Variants in MAN2C1 observed in about 807,000 individuals in gnomAD.
MAN2C1 encodes mannosidase alpha class 2C member 1, also known as alpha-mannosidase 2C1.
Under a neutral mutation model 126.9 loss-of-function variants are expected in MAN2C1, and 111 were observed. The ratio of observed to expected loss-of-function variants is 0.87; its 90% CI spans 0.75 to 1.02. MAN2C1 has a LOEUF of 1.02. Among genes scored for constraint, MAN2C1 ranks in the 50% least tolerant of loss-of-function variants. MAN2C1 has a pLI of 0.00. For missense variants in MAN2C1, 1,363 were observed against 1,364.4 expected (o/e 1.00, Z 0.02); for synonymous variants, 567 against 561.5 (o/e 1.01, Z -0.14).
chr15:75,356,871 T>C lies in MAN2C1; in HGVS notation c.2579A>G (p.Glu860Gly). Residue 860 changes from glutamate (E) to glycine (G), a missense_variant, in exon 22 of 26, where the codon GAA becomes GGA. Transcript: ENST00000267978. The surrounding 1 kb of genome is among the most constrained non-coding windows in gnomAD (Gnocchi z 5.8). ...GAGCAGGGCCAGCCCAAAGCCGTGTTCTGACAGATCCATCCAGCGATGGGC... is the reference window on the plus strand; with the variant it reads ...GAGCAGGGCCAGCCCAAAGCCGTGTCCTGACAGATCCATCCAGCGATGGGC... ...VWAHRWMDLSEHGFGLALLND... is the reference protein window; with the variant it reads ...VWAHRWMDLSGHGFGLALLND... 6.2e-7 allele frequency: 1 copy of C among 1,614,106 alleles called. No individual in the cohort carries two copies. The highest frequency in any genetic ancestry group is 8.5e-7 in the Non-Finnish European group (1 of 1,180,030).
intron 6 of MAN2C1, chr15:75,363,064 T>C (rs2072507233): frequency 2.4e-6 from 1 of 409,606 alleles, no homozygotes; most frequent in African/African-American, 2.1e-5. Context: ...GGGACTACCC[T>C]GCCCCTGCAC....
In MAN2C1 at chr15:75,361,469, C is replaced by T; in HGVS notation, c.1219-88G>A. On this transcript the variant is annotated intron_variant, in intron 10 of 25. Transcript: ENST00000267978. This position sits in a 1 kb window ranked among gnomAD's most constrained non-coding sequence, Gnocchi z 5.0. ...CCTTCCAGACTTGGTCCTGCCCCTGCCTGCTATGTGACCCTGGCAGAGGCA... is the reference window on the plus strand; with the variant it reads ...CCTTCCAGACTTGGTCCTGCCCCTGTCTGCTATGTGACCCTGGCAGAGGCA... 1 of 1,291,798 alleles carries T rather than the reference C, an allele frequency of 7.7e-7. No individual in the cohort carries two copies. Among genetic ancestry groups the T allele is most frequent in the Middle Eastern group, 2.0e-4 (1 of 5,018 alleles). 80.0% of individuals were successfully genotyped at this position (1,291,798 alleles called of 1,614,324 possible). A position where few individuals can be genotyped will look rare whatever the true frequency, so the allele number is the denominator to read the frequency against.
chr15:75,359,414 C>G lies in MAN2C1; in HGVS notation c.1960G>C (p.Val654Leu). ...ACAGGAGCATAGCCCATGCTGGGCA[C>G]TGTCACCAGGGCTGGGGGTGAGGCC... ...GGAHSLALVTVPSMGYAPVPP... is the reference protein window; with the variant it reads ...GGAHSLALVTLPSMGYAPVPP... The change falls in exon 17 of 26, where the codon GTG becomes CTG. Residue 654 changes from valine (V) to leucine (L), a missense_variant. Physicochemically the swap from Val to Leu is conservative, Grantham distance 32 (BLOSUM62 1). Coordinates refer to ENST00000267978, the MANE Select transcript of MAN2C1 (RefSeq NM_006715.4). 1 of 1,611,036 alleles carries G rather than the reference C, an allele frequency of 6.2e-7. No homozygotes were observed. The highest frequency in any genetic ancestry group is 2.1e-4 in the Middle Eastern group (1 of 4,688).
Position 75,360,182 on chromosome 15 carries a change from C to G in MAN2C1, c.1614G>C (p.Arg538=). 1 of 1,612,300 alleles carries G rather than the reference C, an allele frequency of 6.2e-7. No homozygotes were observed. The highest frequency in any genetic ancestry group is 8.5e-7 in the Non-Finnish European group (1 of 1,180,006). ...TGAGCAGCTCCACGTCGTGCAGGAT[C>G]CGCTCACATTCCCGGTTCCCCTTCT... ...QIKKGNRECE[R]ILHDVELLSS... The change falls in exon 14 of 26, where the codon CGG becomes CGC. Residue 538 remains arginine (R), a synonymous_variant. Transcript: ENST00000267978.
intron 6 of MAN2C1, chr15:75,363,384 C>A (rs746902148): frequency 2.2e-6 from 1 of 451,308 alleles, no homozygotes; most frequent in Non-Finnish European, 4.5e-6. Context: ...GGAGTAAGTA[C>A]CTCTCCTGTG....
At chr15:75,366,176 T>C (rs941409036) in intron 4 of MAN2C1, among the ~76,000 whole-genome samples, 1 of 152,258 alleles carries the variant, frequency 6.6e-6, no homozygotes, top group African/African-American at 2.4e-5. Context: ...TCTTTGTGCT[T>C]TCCTGTATTT....
chr15:75,362,287 C>T lies in MAN2C1; in HGVS notation c.1008+56G>A, dbSNP rs2072485906. The T allele has an allele frequency of 6.6e-7, 1 of 1,513,636 alleles. No individual in the cohort carries two copies. The highest frequency in any genetic ancestry group is 2.3e-5 in the East Asian group (1 of 43,816). The allele number at this position is 1,513,636 out of a possible 1,614,324, so 93.8% of individuals were successfully genotyped here. A position where few individuals can be genotyped will look rare whatever the true frequency, so the allele number is the denominator to read the frequency against. ...AGCAAAGCCGGGAGGGCGGGGCTAC[C>T]TGAGGGAAGGCTGTTGTCATACAGT... On this transcript the variant is annotated intron_variant, in intron 8 of 25. Coordinates refer to ENST00000267978, the MANE Select transcript of MAN2C1 (RefSeq NM_006715.4). This position sits in a 1 kb window ranked among gnomAD's most constrained non-coding sequence, Gnocchi z 4.5.
chr15:75,364,214 C>G (rs1210182339), intron 5 of MAN2C1, 26 bp from the exon 6 acceptor site: 4 of 1,586,222 alleles, frequency 2.5e-6, no homozygotes, highest in Non-Finnish European at 3.4e-6. Flanking sequence ...GCCCCTTAAT[C>G]CCTTTTTCAA....
chr15:75,365,916 C>G (rs2072565809), intron 4 of MAN2C1: 1 of 438,582 alleles, frequency 2.3e-6, no homozygotes, highest in Middle Eastern at 5.7e-4. Flanking sequence ...GAAACCCTTT[C>G]TCTACCAAAA....
Position 75,368,081 on chromosome 15 carries a change from G to C in MAN2C1, c.219C>G (p.Phe73Leu), listed in dbSNP as rs577643007. The change falls in exon 2 of 26, where the codon TTC becomes TTG. Residue 73 changes from phenylalanine to leucine, a missense_variant. Phe to Leu is a conservative substitution (Grantham distance 22). Around this residue, in one of 3 missense-constraint regions of MAN2C1, gnomAD observed 628 missense variants for 609.8 expected, o/e 1.03. Transcript: ENST00000267978. ...CGCTGGGCGTTACCTACGTGGGTCC[G>C]AAGCTGTCGCCGACCTGCGCGGGGC... is the stretch of plus-strand genomic sequence containing the variant. ...DFRPAQVGDS[F>L]GPTWWTCWFR... 3 of 1,606,920 alleles carry C rather than the reference G, an allele frequency of 1.9e-6. No homozygotes were observed. Among genetic ancestry groups the C allele is most frequent in the African/African-American group, 2.7e-5 (2 of 75,010 alleles).
Position 75,362,209 on chromosome 15 carries a change from T to C in MAN2C1, c.1008+134A>G, listed in dbSNP as rs2072483762. ...TCCCAGGCCTTGAGATCCCAGGGAC[T>C]AATGAGCCAGCCCTGCCACACAGCG... On this transcript the variant is annotated intron_variant, in intron 8 of 25. Transcript: ENST00000267978. This position sits in a 1 kb window ranked among gnomAD's most constrained non-coding sequence, Gnocchi z 4.5. 1 of 786,520 alleles carries C rather than the reference T, an allele frequency of 1.3e-6. No homozygotes were observed. The allele number at this position is 786,520 out of a possible 1,614,324, so 48.7% of individuals were successfully genotyped here. A position where few individuals can be genotyped will look rare whatever the true frequency, so the allele number is the denominator to read the frequency against.
At chr15:75,365,056 G>A (rs908867140) in intron 4 of MAN2C1, among the ~76,000 whole-genome samples, 1 of 152,128 alleles carries the variant, frequency 6.6e-6, no homozygotes. Context: ...CAACATGGGC[G>A]GGCCATTCAT....
In MAN2C1 at chr15:75,364,600, G is replaced by A; in HGVS notation, c.488C>T (p.Ala163Val). The A allele has an allele frequency of 3.7e-6, 6 of 1,613,570 alleles. No homozygotes were observed. Among genetic ancestry groups the A allele is most frequent in the Non-Finnish European group, 4.2e-6 (5 of 1,179,764 alleles). The change falls in exon 5 of 26, where the codon GCA (alanine) becomes GTA (valine). Residue 163 changes from alanine (A) to valine (V), a missense_variant. Around this residue, in one of 3 missense-constraint regions of MAN2C1, gnomAD observed 628 missense variants for 609.8 expected, o/e 1.03. Coordinates refer to ENST00000267978, the MANE Select transcript of MAN2C1 (RefSeq NM_006715.4). ...LLGAGKGSMI[A>V]APDPEKMFQL... ...GAACATCTTCTCAGGGTCAGGGGCT[G>A]CAATCATGCTTCCCTTCCCGGCCCC...
chr15:75,356,638 TG>T lies in MAN2C1; in HGVS notation c.2704del (p.His902ThrfsTer7), dbSNP rs2072312659. ...APDATADTGR[H>X]EFTYALMPHK... ...CGGCATCAGTGCATAGGTGAACTCG[TG>T]GCGCCCCGTGTCAGCAGTAGCGTCC... On this transcript the variant is annotated frameshift_variant, in exon 23 of 26. Transcript: ENST00000267978. LOFTEE classifies it high-confidence loss of function. The surrounding 1 kb of genome is among the most constrained non-coding windows in gnomAD (Gnocchi z 5.8). The T allele has an allele frequency of 1.3e-6, 2 of 1,569,934 alleles. No individual in the cohort carries two copies. The highest frequency in any genetic ancestry group is 1.7e-6 in the Non-Finnish European group (2 of 1,157,986).
At chr15:75,358,662 T>G (rs377587599) in intron 19 of MAN2C1, 42 bp downstream of exon 19, 381 of 1,331,062 alleles carry the variant, frequency 2.9e-4, no homozygotes, top group Non-Finnish European at 3.7e-4. Flanking sequence ...CAGCCTGTGT[T>G]CCCACCACCT....
intron 3 of MAN2C1, among the ~76,000 whole-genome samples, chr15:75,367,131 C>T (rs758080692): frequency 1.3e-5 from 2 of 151,988 alleles, no homozygotes; most frequent in Non-Finnish European, 2.9e-5. Context: ...GAGTCAACTA[C>T]ACATCTGTTT....
Position 75,359,657 on chromosome 15 carries a change from C to T in MAN2C1, c.1911G>A (p.Val637=), listed in dbSNP as rs887097187. The T allele has an allele frequency of 6.2e-7, 1 of 1,614,010 alleles. No individual in the cohort carries two copies. The highest frequency in any genetic ancestry group is 8.5e-7 in the Non-Finnish European group (1 of 1,180,046). Residue 637 remains valine, a synonymous_variant, in exon 16 of 26, where the codon GTG becomes GTA. Transcript: ENST00000267978. ...CCCCGCCCGGTTTGGGCAGGGCCAT[C>T]ACTTCGATCCGCTTCCAGGGCAGTG... ...VNTLPWKRIE[V]MALPKPGGAH...
At position 75,360,360 on chromosome 15, in the gene MAN2C1, C is replaced by T. The variant is rs1321959407; in HGVS notation, c.1585-149G>A. ...GGGTGACCTGCCTTAAATGCCTTCC[C>T]TCTTCTCCCCGCAGCCCAAACCCTT... On this transcript the variant is annotated intron_variant, in intron 13 of 25. Coordinates refer to ENST00000267978, the MANE Select transcript of MAN2C1 (RefSeq NM_006715.4). 7 of 1,316,986 alleles carry T rather than the reference C, an allele frequency of 5.3e-6. No homozygotes were observed. The Admixed American group carries it at 6.6e-5, about 12-fold the overall frequency. 81.6% of individuals were successfully genotyped at this position (1,316,986 alleles called of 1,614,324 possible).
In MAN2C1 at chr15:75,364,954, G is replaced by A. The variant is rs183030391; in HGVS notation, c.423-289C>T. ...TCCAAAGTTGTCTTTGCAAAGCACT[G>A]CCTTGGTCTTGGAACCCTCTTTGCA... On this transcript the variant is annotated intron_variant, in intron 4 of 25. Transcript: ENST00000267978. Among the ~76,000 whole-genome samples the A allele has an allele frequency of 7.9e-5, 12 of 152,344 alleles. No homozygotes were observed. The East Asian group carries it at 2.3e-3, about 29-fold the overall frequency.
Sources: allele counts gnomAD v4.1 joint callset (sites outside exome capture counted in the v4.1 genomes callset), GRCh38; gene constraint gnomAD v4.1.1; regional missense constraint gnomAD v4.1.1; non-coding constraint Gnocchi (gnomAD v3.1); transcripts MANE v1.5; gene names NCBI Gene and HGNC (gene_info 2026-07-23, HGNC 2026-07-21).